The following FAM78B variants were observed in gnomAD, a reference collection of about 807,000 sequenced individuals.
The protein encoded by FAM78B is family with sequence similarity 78 member B, also known as protein FAM78B.
A neutral mutation model predicts 20.0 loss-of-function variants in FAM78B; 10 were observed. That is an observed-to-expected ratio of 0.50 (90% confidence interval 0.31 to 0.85). The LOEUF (loss-of-function observed/expected upper bound fraction) is 0.85, where lower values mean the gene tolerates loss of function less well. FAM78B is among the 40% of genes least tolerant of loss of function. The pLI, the probability that FAM78B is intolerant of heterozygous loss-of-function variation, is 0.05. For synonymous variants in FAM78B, 135 were observed against 132.8 expected (o/e 1.02, Z -0.12); for missense variants, 283 against 345.0 (o/e 0.82, Z 1.42).
intron 1 of FAM78B, among the ~76,000 whole-genome samples, chr1:166,165,253 T>C (rs1167453348): frequency 6.6e-6 from 1 of 152,170 alleles, no homozygotes; most frequent in Non-Finnish European, 1.5e-5. Flanking sequence ...GATCCATCCT[T>C]TCCTTTAGCA....
intron 1 of FAM78B, among the ~76,000 whole-genome samples, chr1:166,137,544 A>G (rs1401912156): frequency 6.6e-6 from 1 of 151,808 alleles, no homozygotes. Context: ...TCCTAATACT[A>G]GTTATACTAT....
At chr1:166,111,144 T>C (rs1299734230) in intron 1 of FAM78B, among the ~76,000 whole-genome samples, 1 of 152,172 alleles carries the variant, frequency 6.6e-6, no homozygotes, top group Non-Finnish European at 1.5e-5. Flanking sequence ...TAGCATAGAC[T>C]TGGCCCTTCT....
intron 1 of FAM78B, among the ~76,000 whole-genome samples, chr1:166,095,621 C>A (rs890217865): frequency 6.6e-6 from 1 of 152,162 alleles, no homozygotes; most frequent in Non-Finnish European, 1.5e-5. Flanking sequence ...TCATTGTGAG[C>A]CCGCAGGAAC....
At chr1:166,061,728 A>G (rs1272618729) in intron 2 of FAM78B, among the ~76,000 whole-genome samples, 1 of 152,248 alleles carries the variant, frequency 6.6e-6, no homozygotes. Context: ...CCTTCCTGCA[A>G]TAATGAGATT....
intron 1 of FAM78B, among the ~76,000 whole-genome samples, chr1:166,094,126 C>T (rs1653184135): frequency 6.6e-6 from 1 of 151,474 alleles, no homozygotes; most frequent in South Asian, 2.1e-4. Flanking sequence ...AGGGCTGATC[C>T]CAAACAGGAA....
At chr1:166,056,280 G>A (rs192972793), downstream of FAM78B, among the ~76,000 whole-genome samples, 16 of 148,842 alleles carry the variant, frequency 1.1e-4, no homozygotes, top group East Asian at 2.0e-3. Flanking sequence ...GTGTGTGTGC[G>A]TGTGTAGAGA....
intron 1 of FAM78B, among the ~76,000 whole-genome samples, chr1:166,137,267 G>C (rs1331545362): frequency 6.6e-6 from 1 of 152,226 alleles, no homozygotes; most frequent in Non-Finnish European, 1.5e-5. Flanking sequence ...ACTCTGGGCT[G>C]CATCTGGCTC....
At chr1:166,057,449 C>T (rs1207938882) in exon 3 of FAM78B, 1 of 145,942 alleles carries the variant, frequency 6.9e-6, no homozygotes, top group African/African-American at 2.5e-5. Context: ...GTTGAATACA[C>T]ACTGTATTTA....
chr1:166,119,291 A>C (rs148519711), intron 1 of FAM78B, among the ~76,000 whole-genome samples: 53 of 152,340 alleles, frequency 3.5e-4, no homozygotes, highest in African/African-American at 1.2e-3. Context: ...AAATGATTTT[A>C]ACACACCCAG....
intron 1 of FAM78B, among the ~76,000 whole-genome samples, chr1:166,073,753 T>C (rs1652149515): frequency 6.6e-6 from 1 of 152,172 alleles, no homozygotes; most frequent in African/African-American, 2.4e-5. Flanking sequence ...ACTGAACTCA[T>C]CATTTCCACC....
At chr1:166,102,806 GA>G (rs1163555489) in intron 1 of FAM78B, among the ~76,000 whole-genome samples, 1 of 152,128 alleles carries the variant, frequency 6.6e-6, no homozygotes, top group East Asian at 1.9e-4. Flanking sequence ...CAATGAGACA[GA>G]AAGTTAACAA....
intron 1 of FAM78B, among the ~76,000 whole-genome samples, chr1:166,093,125 C>T (rs752198381): frequency 7.9e-5 from 12 of 152,106 alleles, no homozygotes; most frequent in African/African-American, 1.4e-4. Context: ...GAATAGAAAA[C>T]GCTTTATGTA....
intron 1 of FAM78B, among the ~76,000 whole-genome samples, chr1:166,074,069 T>C (rs967651231): frequency 3.9e-5 from 6 of 152,240 alleles, no homozygotes; most frequent in African/African-American, 1.4e-4. Flanking sequence ...AATCCATCTT[T>C]TAGGTTGTCC....
At chr1:166,116,665 C>T (rs187506865) in intron 1 of FAM78B, among the ~76,000 whole-genome samples, 10 of 152,290 alleles carry the variant, frequency 6.6e-5, no homozygotes, top group Middle Eastern at 3.4e-3. Flanking sequence ...TCACCAACCC[C>T]GAGGCTTTAA....
intron 1 of FAM78B, among the ~76,000 whole-genome samples, chr1:166,128,607 G>C (rs1161967396): frequency 2.6e-5 from 4 of 152,230 alleles, no homozygotes; most frequent in African/African-American, 7.2e-5. Flanking sequence ...AAATAGAGGA[G>C]AGAAGGTTTC....
chr1:166,099,672 G>A (rs1467633579), intron 1 of FAM78B, among the ~76,000 whole-genome samples: 1 of 144,352 alleles, frequency 6.9e-6, no homozygotes, highest in Non-Finnish European at 1.5e-5. Context: ...AGTTAAAACA[G>A]ACAAAGAGGG....
chr1:166,138,609 A>C (rs891577890), intron 1 of FAM78B, among the ~76,000 whole-genome samples: 5 of 152,160 alleles, frequency 3.3e-5, no homozygotes, highest in Non-Finnish European at 7.3e-5. Flanking sequence ...AAACCTAACA[A>C]GGTCATTTAG....
intron 1 of FAM78B, among the ~76,000 whole-genome samples, chr1:166,101,558 C>T (rs561264650): frequency 8.8e-4 from 134 of 152,232 alleles, no homozygotes; most frequent in African/African-American, 2.9e-3. Context: ...AACTATGTGA[C>T]GAATGCGCAA....
At chr1:166,125,832 A>ATTTTTTTTTT (rs34168180) in intron 1 of FAM78B, among the ~76,000 whole-genome samples, 1 of 128,802 alleles carries the variant, frequency 7.8e-6, no homozygotes, top group Non-Finnish European at 1.6e-5. Context: ...GCTACTTTGA[A>ATTTTTTTTTT]TTTTTTTTTT....
Sources: gnomAD v4.1 joint callset for allele counts (sites outside exome capture counted in the v4.1 genomes callset) on GRCh38, gnomAD v4.1.1 for gene constraint, MANE v1.5 for transcripts, NCBI Gene and HGNC (gene_info 2026-07-23, HGNC 2026-07-21) for gene names.